SAMD5: variants seen among roughly 807,000 people sequenced by gnomAD.
SAMD5 encodes sterile alpha motif domain-containing protein 5.
Under a neutral mutation model 11.3 loss-of-function variants are expected in SAMD5, and 13 were observed. That is an observed-to-expected ratio of 1.15 (90% CI 0.75 to 1.83). SAMD5 has a LOEUF of 1.83. Ranked by LOEUF, SAMD5 falls within the 40% of genes most tolerant of loss-of-function variation. The pLI is 0.00. For synonymous variants in SAMD5, 129 were observed against 111.3 expected, an observed-to-expected ratio of 1.16 and a Z score of -1.00; for missense variants, 255 against 239.1, an observed-to-expected ratio of 1.07 and a Z score of -0.44.
chr6:147,633,010 G>A (rs1279639929), intron 1 of SAMD5, among the ~76,000 whole-genome samples: 1 of 152,102 alleles, frequency 6.6e-6, no homozygotes, highest in Non-Finnish European at 1.5e-5. Flanking sequence ...AACAAAAATA[G>A]AGTAAAACTT....
At chr6:147,605,216 A>G (rs1789682217) in intron 1 of SAMD5, among the ~76,000 whole-genome samples, 1 of 152,156 alleles carries the variant, frequency 6.6e-6, no homozygotes, top group Non-Finnish European at 1.5e-5. Flanking sequence ...GGACTCAAGC[A>G]ATCTTCCTGC....
intron 1 of SAMD5, among the ~76,000 whole-genome samples, chr6:147,688,224 T>G (rs1422697722): frequency 1.3e-5 from 2 of 152,170 alleles, no homozygotes; most frequent in Non-Finnish European, 1.5e-5. Context: ...TTTTAAAATT[T>G]TATATATGAT....
intron 1 of SAMD5, among the ~76,000 whole-genome samples, chr6:147,561,957 C>G (rs977225741): frequency 2.6e-5 from 4 of 152,134 alleles, no homozygotes; most frequent in African/African-American, 9.7e-5. Context: ...CTCCATGACC[C>G]ATTGCGGAAA....
intron 1 of SAMD5, among the ~76,000 whole-genome samples, chr6:147,726,781 A>G (rs1791635437): frequency 1.3e-5 from 2 of 152,208 alleles, no homozygotes. Flanking sequence ...CATCATAAGG[A>G]TTCCAAGAAA....
chr6:147,518,542 C>G (rs115574454), intron 1 of SAMD5, among the ~76,000 whole-genome samples: 1 of 152,090 alleles, frequency 6.6e-6, no homozygotes, highest in Admixed American at 6.5e-5. Context: ...TGAAGTAAGG[C>G]GAGTCAGATG....
chr6:147,774,875 C>A, the SAMD5 span, among the ~76,000 whole-genome samples: 60 of 152,244 alleles, frequency 3.9e-4, no homozygotes, highest in East Asian at 8.5e-3. Flanking sequence ...TTCACACCCA[C>A]CTCCTCTTCA....
the SAMD5 span, among the ~76,000 whole-genome samples, chr6:147,924,424 T>C: frequency 1.3e-5 from 2 of 152,134 alleles, no homozygotes; most frequent in Admixed American, 1.3e-4. Flanking sequence ...ATAAAGAGTC[T>C]TCATATTACT....
chr6:147,922,420 G>A, the SAMD5 span, among the ~76,000 whole-genome samples: 22 of 152,132 alleles, frequency 1.4e-4, no homozygotes, highest in Admixed American at 1.2e-3. Flanking sequence ...ATACAGTTCC[G>A]GGTGTATGTG....
intron 1 of SAMD5, among the ~76,000 whole-genome samples, chr6:147,521,537 A>G (rs534725129): frequency 2.6e-5 from 4 of 152,194 alleles, no homozygotes; most frequent in South Asian, 2.1e-4. Flanking sequence ...AAAATTGTCA[A>G]TTCTTTCTTT....
intron 1 of SAMD5, among the ~76,000 whole-genome samples, chr6:147,737,073 T>C (rs1791813556): frequency 6.6e-6 from 1 of 152,188 alleles, no homozygotes; most frequent in South Asian, 2.1e-4. Flanking sequence ...GCAATGCATG[T>C]ATATTATGTA....
At chr6:147,840,946 T>C in the SAMD5 span, among the ~76,000 whole-genome samples, 12 of 152,330 alleles carry the variant, frequency 7.9e-5, no homozygotes, top group African/African-American at 2.6e-4. Flanking sequence ...GTTTTGTTTA[T>C]ACGTATATAT....
the SAMD5 span, among the ~76,000 whole-genome samples, chr6:147,910,966 A>G: frequency 2.0e-5 from 3 of 152,316 alleles, no homozygotes; most frequent in Admixed American, 1.3e-4. Flanking sequence ...CAGGAATAGA[A>G]TACATCTCTT....
intron 1 of SAMD5, among the ~76,000 whole-genome samples, chr6:147,623,089 A>C (rs561267900): frequency 2.4e-4 from 37 of 152,300 alleles, no homozygotes; most frequent in Non-Finnish European, 4.6e-4. Context: ...ACACAGCCCA[A>C]CCATATCAGT....
chr6:147,711,523 C>A lies in SAMD5; in HGVS notation c.163-25794C>A, dbSNP rs1791400262. Among the ~76,000 whole-genome samples, 4 of 152,280 alleles carry A rather than the reference C, an allele frequency of 2.6e-5. No individual in the cohort carries two copies. In the South Asian group the frequency reaches 8.3e-4, roughly 32 times the overall value. On this transcript the variant is annotated intron_variant, in intron 1 of 1. Coordinates refer to the SAMD5 transcript ENST00000566741. This position sits in a 1 kb window ranked among gnomAD's most constrained non-coding sequence, Gnocchi z 4.1. ...AAGAAGCTCAAAACAAACCCACTGG[C>A]CTATTTTTGTTAATCACTATAAACG... is the stretch of plus-strand genomic sequence containing the variant.
intron 1 of SAMD5, among the ~76,000 whole-genome samples, chr6:147,664,519 A>C (rs1015322312): frequency 6.6e-6 from 1 of 152,188 alleles, no homozygotes; most frequent in African/African-American, 2.4e-5. Flanking sequence ...TTAATATGTT[A>C]CACACCAAAG....
the SAMD5 span, among the ~76,000 whole-genome samples, chr6:147,855,033 T>C: frequency 1.3e-5 from 2 of 152,254 alleles, no homozygotes; most frequent in African/African-American, 4.8e-5. Context: ...ATAAAAAGTT[T>C]TGGAGGCTTC....
At chr6:147,761,949 T>G in the SAMD5 span, among the ~76,000 whole-genome samples, 1 of 151,974 alleles carries the variant, frequency 6.6e-6, no homozygotes, top group East Asian at 2.0e-4. Context: ...CTGACCTCAG[T>G]TGATCCACCA....
intron 1 of SAMD5, among the ~76,000 whole-genome samples, chr6:147,696,748 A>T (rs1489459464): frequency 5.3e-5 from 8 of 152,114 alleles, no homozygotes; most frequent in Admixed American, 5.2e-4. Context: ...CGCCCACTTC[A>T]TGGGATTAAA....
In SAMD5 at chr6:147,565,468, T is replaced by TG; in HGVS notation, c.*1012_*1013insG. The TG allele has an allele frequency of 1.0e-6, 1 of 980,726 alleles. No homozygotes were observed. Among genetic ancestry groups the TG allele is most frequent in the Middle Eastern group, 5.2e-4 (1 of 1,908 alleles). The allele number at this position is 980,726 out of a possible 1,614,324, so 60.8% of individuals were successfully genotyped here. ...TCTTGTGTTTGGATGCTGGTAGTTTTTTTTTTTTTAGACAGAGTCTCGCTC... is the reference window on the plus strand; with the variant it reads ...TCTTGTGTTTGGATGCTGGTAGTTTTGTTTTTTTTTAGACAGAGTCTCGCTC... On this transcript the variant is annotated 3_prime_UTR_variant, in exon 2 of 2. Coordinates refer to ENST00000367474, the MANE Select transcript of SAMD5 (RefSeq NM_001030060.3).
Sources: allele counts gnomAD v4.1 joint callset (sites outside exome capture counted in the v4.1 genomes callset), GRCh38; gene constraint gnomAD v4.1.1; non-coding constraint Gnocchi (gnomAD v3.1); transcripts MANE v1.5; gene names NCBI Gene and HGNC (gene_info 2026-07-23, HGNC 2026-07-21).